The following SSUH2 variants were observed in gnomAD, a reference collection of about 807,000 sequenced individuals.
The protein encoded by SSUH2 is protein SSUH2 homolog.
In SSUH2, 47 loss-of-function variants were observed where a neutral mutation model predicts 55.3. The observed-to-expected ratio is 0.85, with a 90% CI of 0.67 to 1.08. The LOEUF (loss-of-function observed/expected upper bound fraction) is 1.08, where lower values mean the gene tolerates loss of function less well. Among genes scored for constraint, SSUH2 ranks in the 50% least tolerant of loss-of-function variants. SSUH2 has a pLI of 0.00. For missense variants in SSUH2, 535 were observed against 490.7 expected (o/e 1.09, Z -0.85); for synonymous variants, 212 against 191.5 (o/e 1.11, Z -0.89).
At chr3:8,680,102 G>C (rs143493219) in intron 1 of SSUH2, among the ~76,000 whole-genome samples, 1 of 152,304 alleles carries the variant, frequency 6.6e-6, no homozygotes, top group Non-Finnish European at 1.5e-5. Context: ...AGAGAGAAAA[G>C]ATGGCAGCTG....
chr3:8,622,045 G>A (rs1696559055), intron 11 of SSUH2, among the ~76,000 whole-genome samples: 1 of 152,018 alleles, frequency 6.6e-6, no homozygotes, highest in African/African-American at 2.4e-5. Context: ...GTAATTGGCT[G>A]TTTATCTGTC....
At chr3:8,650,690 A>G (rs1200481713) in intron 7 of SSUH2, among the ~76,000 whole-genome samples, 1 of 152,214 alleles carries the variant, frequency 6.6e-6, no homozygotes, top group Admixed American at 6.5e-5. Flanking sequence ...CTGTGGCTCA[A>G]GCCTTAATGA....
At chr3:8,664,374 C>T (rs62244196) in intron 5 of SSUH2, among the ~76,000 whole-genome samples, 43 of 152,300 alleles carry the variant, frequency 2.8e-4, no homozygotes, top group Admixed American at 1.2e-3. Context: ...TTTCCCTTGG[C>T]GCTGTGTATA....
rs145302773 is a variant in SSUH2, at chr3:8,633,091, C to T, written c.339+575G>A. On this transcript the variant is annotated intron_variant, in intron 4 of 11. Coordinates refer to ENST00000544814, the MANE Select transcript of SSUH2 (RefSeq NM_001256748.3). Reference sequence around the variant, plus strand: ...TTTGACAAGGCGTGTGTGTAGCATGCGTTCTATGATGCCTGGCATGTTCAA... The same window carrying T: ...TTTGACAAGGCGTGTGTGTAGCATGTGTTCTATGATGCCTGGCATGTTCAA... Among the ~76,000 whole-genome samples, 191 of 150,500 alleles carry T rather than the reference C, an allele frequency of 1.3e-3. 2 individuals carry two copies. The Middle Eastern group carries it at 0.014, about 11-fold the overall frequency.
intron 6 of SSUH2, among the ~76,000 whole-genome samples, chr3:8,663,475 G>A (rs150564453): frequency 6.6e-6 from 1 of 151,838 alleles, no homozygotes; most frequent in African/African-American, 2.4e-5. Flanking sequence ...AGGGCTTTGT[G>A]AGAAACAAAC....
intron 6 of SSUH2, among the ~76,000 whole-genome samples, chr3:8,660,083 A>G (rs539523132): frequency 1.6e-4 from 24 of 152,354 alleles, no homozygotes; most frequent in Middle Eastern, 3.4e-3. Flanking sequence ...TGCTCCAGTC[A>G]GATCCCAGGA....
At chr3:8,669,685 A>G (rs1156967234) in intron 5 of SSUH2, among the ~76,000 whole-genome samples, 1 of 152,252 alleles carries the variant, frequency 6.6e-6, no homozygotes, top group East Asian at 1.9e-4. Context: ...TTTTGAGCAG[A>G]GAAGAGCACA....
At chr3:8,636,179 T>C (rs1424963536) in intron 1 of SSUH2, among the ~76,000 whole-genome samples, 1 of 152,174 alleles carries the variant, frequency 6.6e-6, no homozygotes, top group Non-Finnish European at 1.5e-5. Context: ...TTTCCTTTCA[T>C]GGAAACTGGG....
At chr3:8,633,274 G>A (rs1699205966) in intron 4 of SSUH2, among the ~76,000 whole-genome samples, 1 of 151,544 alleles carries the variant, frequency 6.6e-6, no homozygotes, top group Non-Finnish European at 1.5e-5. Context: ...CTCCCGAGTA[G>A]CTGGAACTAC....
At chr3:8,625,483 C>A in intron 10 of SSUH2, 59 bp downstream of exon 10, 3 of 1,060,260 alleles carry the variant, frequency 2.8e-6, no homozygotes, top group South Asian at 1.3e-5. Flanking sequence ...CAGCCCCAGG[C>A]CCACGAGAGC....
chr3:8,675,583 C>G (rs34022475), intron 3 of SSUH2, among the ~76,000 whole-genome samples: 9 of 112,166 alleles, frequency 8.0e-5, no homozygotes, highest in Non-Finnish European at 1.7e-4. Flanking sequence ...GGGGTCGGAA[C>G]GCAGCCCAGG....
intron 6 of SSUH2, chr3:8,659,672 T>G: frequency 2.3e-6 from 1 of 425,648 alleles, no homozygotes; most frequent in Non-Finnish European, 4.7e-6. Context: ...AAACCCTCAA[T>G]GGGCATGGGA....
intron 5 of SSUH2, among the ~76,000 whole-genome samples, chr3:8,667,739 C>G (rs1470962028): frequency 6.6e-6 from 1 of 152,226 alleles, no homozygotes; most frequent in Non-Finnish European, 1.5e-5. Context: ...AGTCCCAACC[C>G]TCTGATTCTG....
intron 3 of SSUH2, among the ~76,000 whole-genome samples, chr3:8,676,170 C>T (rs1252487958): frequency 9.2e-5 from 14 of 152,158 alleles, no homozygotes; most frequent in African/African-American, 3.4e-4. Flanking sequence ...ATATCATCTC[C>T]CCCTCTGGAG....
chr3:8,622,687 G>A (rs1361627366), intron 11 of SSUH2, among the ~76,000 whole-genome samples: 1 of 152,176 alleles, frequency 6.6e-6, no homozygotes, highest in Non-Finnish European at 1.5e-5. Context: ...AGATAAAAAT[G>A]CATCTTCTCT....
intron 8 of SSUH2, 172 bp downstream of exon 8, chr3:8,627,526 T>C: frequency 2.3e-6 from 1 of 443,088 alleles, no homozygotes; most frequent in Non-Finnish European, 4.0e-6. Context: ...TGCCAGGCCT[T>C]GAGAAAAGCT....
chr3:8,630,822 G>A lies in SSUH2; in HGVS notation c.508C>T (p.His170Tyr). 6.7e-7 allele frequency: 1 copy of A among 1,483,112 alleles called. No individual in the cohort carries two copies. Among genetic ancestry groups the A allele is most frequent in the South Asian group, 1.4e-5 (1 of 69,086 alleles). 91.9% of individuals were successfully genotyped at this position (1,483,112 alleles called of 1,614,324 possible). A position where few individuals can be genotyped will look rare whatever the true frequency, so the allele number is the denominator to read the frequency against. The change falls in exon 6 of 12, where the codon CAC becomes TAC. Residue 170 changes from histidine (H) to tyrosine (Y), a missense_variant. Physicochemically the swap from His to Tyr is moderately conservative, Grantham distance 83 (BLOSUM62 2). Coordinates refer to ENST00000544814, the MANE Select transcript of SSUH2 (RefSeq NM_001256748.3). ...CGTATTACCTTGACCAGTGACGAGT[G>A]AGGGACCTGGAACTTCCTGGTGTCT... is the stretch of plus-strand genomic sequence containing the variant. ...QEDTRKFQVPHSSLVKECHKC... is the reference protein window; with the variant it reads ...QEDTRKFQVPYSSLVKECHKC...
At chr3:8,629,633 C>CTGACTCACCTGTGGTTCACAGA in intron 7 of SSUH2, 31 bp downstream of exon 7, 2 of 1,587,726 alleles carry the variant, frequency 1.3e-6, no homozygotes, top group Non-Finnish European at 1.7e-6. Flanking sequence ...CACACCCTCA[C>CTGACTCACCTGTGGTTCACAGA]TGACTCACCA....
chr3:8,619,916 A>G lies in SSUH2; in HGVS notation c.1080T>C (p.Tyr360=). ...AATACCGCTCAGGATAGTCCACCGC[A>G]TACACCTGGTGGTCAGTGCCATAGA... is the stretch of plus-strand genomic sequence containing the variant. ...YYIYGTDHQV[Y]AVDYPERYCC... is the part of the protein sequence containing the mutation. Residue 360 remains tyrosine (Y), a synonymous_variant, in exon 12 of 12, where the codon TAT becomes TAC. Transcript: ENST00000544814. 1 of 1,614,182 alleles carries G rather than the reference A, an allele frequency of 6.2e-7. No individual in the cohort carries two copies. The highest frequency in any genetic ancestry group is 8.5e-7 in the Non-Finnish European group (1 of 1,180,008).
Sources: gnomAD v4.1 joint callset for allele counts (sites outside exome capture counted in the v4.1 genomes callset) on GRCh38, gnomAD v4.1.1 for gene constraint, MANE v1.5 for transcripts, NCBI Gene and HGNC (gene_info 2026-07-23, HGNC 2026-07-21) for gene names.